SYT1: variants seen among roughly 807,000 people sequenced by gnomAD.
SYT1 encodes the protein synaptotagmin-1.
A neutral mutation model predicts 44.8 loss-of-function variants in SYT1; 8 were observed. That is an observed-to-expected ratio of 0.18 (90% confidence interval 0.10 to 0.32). The LOEUF is 0.32. Ranked by LOEUF, SYT1 falls within the 10% of genes least tolerant of loss-of-function variation. SYT1 has a pLI of 1.00. For synonymous variants in SYT1, 154 were observed against 188.8 expected (o/e 0.82, Z 1.51); for missense variants, 286 against 509.3 (o/e 0.56, Z 4.22).
chr12:79,112,161 G>A (rs916922682), intron 3 of SYT1, among the ~76,000 whole-genome samples: 5 of 152,094 alleles, frequency 3.3e-5, no homozygotes, highest in African/African-American at 1.2e-4. Context: ...TAGTACATGA[G>A]GAATTTAAAA....
At chr12:79,048,505 G>A (rs74110119) in intron 3 of SYT1, among the ~76,000 whole-genome samples, 2,025 of 151,852 alleles carry the variant, frequency 0.013, 45 homozygotes, top group African/African-American at 0.046. Context: ...TCTTTTACCT[G>A]CCTGTCTGAA....
At chr12:79,359,136 G>A (rs1192733411) in intron 9 of SYT1, among the ~76,000 whole-genome samples, 1 of 152,152 alleles carries the variant, frequency 6.6e-6, no homozygotes, top group African/African-American at 2.4e-5. Flanking sequence ...GGTAAAAAGT[G>A]TGCAGTTCTG....
At chr12:79,203,144 T>A (rs765438363) in intron 3 of SYT1, among the ~76,000 whole-genome samples, 3 of 152,204 alleles carry the variant, frequency 2.0e-5, no homozygotes, top group Non-Finnish European at 4.4e-5. Flanking sequence ...TATGCTCGTT[T>A]TTGGCAGATG....
intron 8 of SYT1, among the ~76,000 whole-genome samples, chr12:79,324,239 C>T (rs369766156): frequency 1.3e-5 from 2 of 152,070 alleles, no homozygotes; most frequent in African/African-American, 2.4e-5. Context: ...CGTGAGCCAC[C>T]GCGCCTGGCC....
chr12:78,934,801 T>C (rs1877960670), intron 1 of SYT1, among the ~76,000 whole-genome samples: 1 of 152,178 alleles, frequency 6.6e-6, no homozygotes. Flanking sequence ...CATATAATTT[T>C]TGTCTTTAGA....
chr12:79,127,452 G>C (rs1175786142), intron 3 of SYT1, among the ~76,000 whole-genome samples: 1 of 151,616 alleles, frequency 6.6e-6, no homozygotes, highest in Non-Finnish European at 1.5e-5. Flanking sequence ...GAGTTTTGAA[G>C]CCAGTGTAGG....
intron 1 of SYT1, among the ~76,000 whole-genome samples, chr12:78,910,324 T>A (rs1876244570): frequency 6.6e-6 from 1 of 152,076 alleles, no homozygotes; most frequent in Non-Finnish European, 1.5e-5. Flanking sequence ...TGCCTAGTTC[T>A]TATAGTTCCT....
intron 1 of SYT1, among the ~76,000 whole-genome samples, chr12:78,947,352 G>A (rs1527077): frequency 0.15 from 22,169 of 151,860 alleles, 1,912 homozygotes; most frequent in East Asian, 0.3. Flanking sequence ...TCATGTTTAG[G>A]CTAGATTATG....
At chr12:78,865,275 A>G (rs1873476479) in intron 1 of SYT1, among the ~76,000 whole-genome samples, 166 bp downstream of exon 1, 2 of 152,114 alleles carry the variant, frequency 1.3e-5, no homozygotes, top group Admixed American at 1.3e-4. Context: ...CTACATGTGC[A>G]TCTCCTGGAA....
At chr12:78,980,145 C>A (rs1869141927) in intron 2 of SYT1, among the ~76,000 whole-genome samples, 1 of 151,934 alleles carries the variant, frequency 6.6e-6, no homozygotes, top group African/African-American at 2.4e-5. Context: ...ATTTAATATA[C>A]CAAACTCTAA....
At chr12:79,086,184 C>T (rs1225225849) in intron 3 of SYT1, among the ~76,000 whole-genome samples, 2 of 152,100 alleles carry the variant, frequency 1.3e-5, no homozygotes, top group African/African-American at 4.8e-5. Context: ...TCACCATCAT[C>T]ATCATCATCA....
At chr12:79,200,760 T>A (rs945698332) in intron 3 of SYT1, among the ~76,000 whole-genome samples, 1 of 152,162 alleles carries the variant, frequency 6.6e-6, no homozygotes, top group Non-Finnish European at 1.5e-5. Flanking sequence ...GTCATAAGAT[T>A]AATCAATATT....
intron 3 of SYT1, among the ~76,000 whole-genome samples, chr12:79,109,691 C>T (rs563408158): frequency 1.3e-5 from 2 of 152,280 alleles, no homozygotes; most frequent in South Asian, 4.1e-4. Context: ...TATTTTACCA[C>T]TTATCTTTGC....
At chr12:79,358,106 T>G (rs1883182449) in intron 9 of SYT1, among the ~76,000 whole-genome samples, 1 of 152,216 alleles carries the variant, frequency 6.6e-6, no homozygotes, top group Non-Finnish European at 1.5e-5. Flanking sequence ...GTTTTGTTTT[T>G]TGTCATCTCA....
intron 1 of SYT1, among the ~76,000 whole-genome samples, chr12:78,930,675 G>A (rs61929219): frequency 0.091 from 13,690 of 150,834 alleles, 721 homozygotes; most frequent in East Asian, 0.18. Context: ...TGGGAGGTTG[G>A]GAAGTGGTGA....
intron 3 of SYT1, among the ~76,000 whole-genome samples, chr12:79,186,946 G>C (rs968506070): frequency 6.6e-6 from 1 of 151,850 alleles, no homozygotes; most frequent in Admixed American, 6.6e-5. Context: ...TCCTTAAAAG[G>C]TAATCTAATC....
intron 1 of SYT1, among the ~76,000 whole-genome samples, chr12:78,880,599 T>C (rs1874400567): frequency 6.6e-6 from 1 of 151,612 alleles, no homozygotes; most frequent in Admixed American, 6.6e-5. Flanking sequence ...AATGAATAAA[T>C]GAACTGTGAA....
intron 9 of SYT1, among the ~76,000 whole-genome samples, chr12:79,387,295 A>C (rs1051350324): frequency 2.0e-5 from 3 of 152,238 alleles, no homozygotes; most frequent in Non-Finnish European, 4.4e-5. Context: ...AAAAGAGACT[A>C]GAAATGTAGT....
chr12:79,040,764 G>A (rs866701859), intron 2 of SYT1, among the ~76,000 whole-genome samples: 17 of 151,992 alleles, frequency 1.1e-4, no homozygotes, highest in Admixed American at 2.6e-4. Flanking sequence ...TAGGTCTAAC[G>A]TTTAAGTCTT....
Sources: allele counts gnomAD v4.1 joint callset (sites outside exome capture counted in the v4.1 genomes callset), GRCh38; gene constraint gnomAD v4.1.1; transcripts MANE v1.5; gene names NCBI Gene and HGNC (gene_info 2026-07-23, HGNC 2026-07-21).